HCRTR2: variants seen among roughly 807,000 people sequenced by gnomAD.
HCRTR2 encodes the protein hypocretin receptor 2.
HCRTR2 carries 22 observed loss-of-function variants against 49.0 expected under a neutral mutation model. That is an observed-to-expected ratio of 0.45 (90% CI 0.32 to 0.64). The LOEUF (loss-of-function observed/expected upper bound fraction) is 0.64, where lower values mean the gene tolerates loss of function less well. Ranked by LOEUF, HCRTR2 falls within the 30% of genes least tolerant of loss-of-function variation. The pLI is 0.04. For synonymous variants in HCRTR2, 236 were observed against 205.3 expected, an observed-to-expected ratio of 1.15 and a Z score of -1.28; for missense variants, 491 against 559.4, an observed-to-expected ratio of 0.88 and a Z score of 1.23.
upstream of HCRTR2, among the ~76,000 whole-genome samples, chr6:55,169,916 C>A (rs1167517355): frequency 6.6e-6 from 1 of 151,872 alleles, no homozygotes; most frequent in Non-Finnish European, 1.5e-5. Context: ...ACAATAGATA[C>A]TCAGATACAT....
intron 2 of HCRTR2, among the ~76,000 whole-genome samples, chr6:55,253,756 C>T (rs1020898415): frequency 6.6e-6 from 1 of 152,086 alleles, no homozygotes; most frequent in Non-Finnish European, 1.5e-5. Flanking sequence ...AGGCCATTAT[C>T]CTTAGCAAAC....
At chr6:55,224,674 A>G (rs1331573256) in intron 1 of HCRTR2, among the ~76,000 whole-genome samples, 1 of 152,088 alleles carries the variant, frequency 6.6e-6, no homozygotes, top group Non-Finnish European at 1.5e-5. Context: ...ACAATGGAAT[A>G]CTATTTAGCC....
chr6:55,277,682 G>A (rs1484892406), intron 5 of HCRTR2, 82 bp downstream of exon 5: 4 of 983,546 alleles, frequency 4.1e-6, no homozygotes, highest in Non-Finnish European at 4.6e-6. Flanking sequence ...TTTTAACTAA[G>A]CCAGAGAAAA....
intron 1 of HCRTR2, among the ~76,000 whole-genome samples, chr6:55,244,451 A>G (rs999058084): frequency 2.6e-5 from 4 of 152,040 alleles, no homozygotes; most frequent in Non-Finnish European, 5.9e-5. Flanking sequence ...CAACAATCTG[A>G]CATTGGGTAT....
At chr6:55,230,523 G>A (rs1325811121) in intron 1 of HCRTR2, among the ~76,000 whole-genome samples, 1 of 152,102 alleles carries the variant, frequency 6.6e-6, no homozygotes, top group Non-Finnish European at 1.5e-5. Context: ...AGTAATATGG[G>A]ATGTGTTGAA....
chr6:55,278,499 C>A (rs2127332508), intron 5 of HCRTR2, among the ~76,000 whole-genome samples: 1 of 152,164 alleles, frequency 6.6e-6, no homozygotes, highest in African/African-American at 2.4e-5. Context: ...GTATAATCAG[C>A]CGCAAAGGGT....
intron 4 of HCRTR2, among the ~76,000 whole-genome samples, chr6:55,269,538 A>G (rs1766931618): frequency 6.6e-6 from 1 of 152,214 alleles, no homozygotes; most frequent in South Asian, 2.1e-4. Context: ...ATTAATATAT[A>G]TACAAAAATC....
chr6:55,254,549 C>G (rs1435017593), intron 2 of HCRTR2, among the ~76,000 whole-genome samples: 1 of 152,062 alleles, frequency 6.6e-6, no homozygotes. Flanking sequence ...ACAAAATTCT[C>G]TTTTAATATG....
At chr6:55,236,157 T>C (rs1386815790) in intron 1 of HCRTR2, among the ~76,000 whole-genome samples, 1 of 151,988 alleles carries the variant, frequency 6.6e-6, no homozygotes, top group Non-Finnish European at 1.5e-5. Context: ...CCCCTATCCA[T>C]TTAGGTTATT....
intron 1 of HCRTR2, among the ~76,000 whole-genome samples, chr6:55,197,235 A>T (rs1765432923): frequency 6.6e-6 from 1 of 152,008 alleles, no homozygotes; most frequent in Admixed American, 6.6e-5. Context: ...CCTACTTCTA[A>T]CTCTAATCCT....
intron 1 of HCRTR2, among the ~76,000 whole-genome samples, chr6:55,176,606 C>A (rs1304759480): frequency 6.6e-6 from 1 of 152,124 alleles, no homozygotes; most frequent in Non-Finnish European, 1.5e-5. Flanking sequence ...ATCAAAATAA[C>A]CCACATTAGC....
intron 1 of HCRTR2, among the ~76,000 whole-genome samples, chr6:55,238,555 C>T (rs572621111): frequency 6.6e-5 from 10 of 152,252 alleles, no homozygotes; most frequent in Middle Eastern, 3.4e-3. Flanking sequence ...TGAATACACA[C>T]ACACAGAAAC....
intron 1 of HCRTR2, among the ~76,000 whole-genome samples, chr6:55,185,794 T>G (rs1765208019): frequency 6.6e-6 from 1 of 152,228 alleles, no homozygotes; most frequent in South Asian, 2.1e-4. Context: ...GCGCATCCTT[T>G]GGATGATTGA....
intron 1 of HCRTR2, among the ~76,000 whole-genome samples, chr6:55,147,697 A>G (rs749559024): frequency 6.6e-6 from 1 of 152,142 alleles, no homozygotes; most frequent in Non-Finnish European, 1.5e-5. Context: ...CTTCTTTTTA[A>G]TGTAGTGTCC....
chr6:55,151,116 C>A (rs1046306641), intron 1 of HCRTR2, among the ~76,000 whole-genome samples: 2 of 151,908 alleles, frequency 1.3e-5, no homozygotes, highest in South Asian at 2.1e-4. Context: ...TGGGTCTTGC[C>A]TCAATGTTGA....
chr6:55,165,512 G>T (rs2127264592), intron 1 of HCRTR2, among the ~76,000 whole-genome samples: 1 of 151,950 alleles, frequency 6.6e-6, no homozygotes, highest in Non-Finnish European at 1.5e-5. Context: ...CTAAAACTAT[G>T]AAACTCTTAG....
intron 1 of HCRTR2, among the ~76,000 whole-genome samples, chr6:55,122,844 A>T (rs916556175): frequency 1.3e-5 from 2 of 151,738 alleles, no homozygotes; most frequent in Non-Finnish European, 2.9e-5. Context: ...GGAAACCGTC[A>T]TTCTCAGCAA....
intron 1 of HCRTR2, among the ~76,000 whole-genome samples, chr6:55,117,114 C>T (rs1393572192): frequency 6.6e-6 from 1 of 151,750 alleles, no homozygotes; most frequent in African/African-American, 2.4e-5. Flanking sequence ...TGAACTTGGA[C>T]ACCATTCAAA....
rs180927046 is a variant in HCRTR2 at position 55,205,839 on chromosome 6, C to T, written c.223+31029C>T. Among the ~76,000 whole-genome samples, 64 of 152,068 alleles carry T rather than the reference C, an allele frequency of 4.2e-4. No individual in the cohort carries two copies. The Middle Eastern group carries it at 0.014, about 32-fold the overall frequency. The stretch of plus-strand genomic sequence containing the variant: ...GCCTTGCCCTGGCTGCCTGGTATAA[C>T]GCAACTCTATTTGTTATTCTGCTAT... On this transcript the variant is annotated intron_variant, in intron 1 of 6. Coordinates refer to ENST00000370862, the MANE Select transcript of HCRTR2 (RefSeq NM_001384272.1).
Sources: gnomAD v4.1 joint callset for allele counts (sites outside exome capture counted in the v4.1 genomes callset) on GRCh38, gnomAD v4.1.1 for gene constraint, MANE v1.5 for transcripts, NCBI Gene and HGNC (gene_info 2026-07-23, HGNC 2026-07-21) for gene names.